The following ZNF385D variants were observed in gnomAD, a reference collection of about 807,000 sequenced individuals.
ZNF385D encodes zinc finger protein 659.
A neutral mutation model predicts 35.8 loss-of-function variants in ZNF385D; 15 were observed. The observed-to-expected ratio is 0.42, with a 90% CI of 0.28 to 0.64. ZNF385D has a LOEUF of 0.64. Among genes scored for constraint, ZNF385D ranks in the 30% least tolerant of loss-of-function variants. ZNF385D has a pLI of 0.23. For missense variants in ZNF385D, 474 were observed against 494.6 expected (o/e 0.96, Z 0.39); for synonymous variants, 212 against 186.8 (o/e 1.13, Z -1.10).
At chr3:21,758,975 C>CAAAAAA (rs58450064) in intron 3 of ZNF385D, among the ~76,000 whole-genome samples, 778 of 29,228 alleles carry the variant, frequency 0.027, 240 homozygotes, top group East Asian at 0.081. Context: ...TCATCACTGG[C>CAAAAAA]AAAAAAAAAA....
chr3:21,547,311 C>A (rs911262384), intron 3 of ZNF385D, among the ~76,000 whole-genome samples: 1 of 152,268 alleles, frequency 6.6e-6, no homozygotes, highest in Admixed American at 6.5e-5. Flanking sequence ...CTTTTGGCCT[C>A]CCTCTCCCTG....
At chr3:21,511,146 G>A (rs956966085) in intron 3 of ZNF385D, 123 bp from the exon 4 acceptor site, 8 of 1,212,892 alleles carry the variant, frequency 6.6e-6, no homozygotes, top group African/African-American at 3.0e-5. Flanking sequence ...TCTGGCCGTG[G>A]CCAGACAGTG....
intron 1 of ZNF385D, among the ~76,000 whole-genome samples, chr3:21,711,945 T>C (rs917037349): frequency 1.3e-5 from 2 of 152,226 alleles, no homozygotes; most frequent in East Asian, 3.8e-4. Flanking sequence ...CACAATTATG[T>C]AAATGTCACT....
chr3:21,587,740 T>G (rs1165227821), intron 2 of ZNF385D, among the ~76,000 whole-genome samples: 1 of 152,036 alleles, frequency 6.6e-6, no homozygotes, highest in Non-Finnish European at 1.5e-5. Context: ...TTGAGTAACG[T>G]TAGAAGAAAC....
intron 3 of ZNF385D, among the ~76,000 whole-genome samples, chr3:22,063,879 G>A (rs1009492449): frequency 3.3e-5 from 5 of 152,154 alleles, no homozygotes; most frequent in Non-Finnish European, 7.3e-5. Context: ...GGCTGGCTGA[G>A]GCCTTTGTTT....
At chr3:22,044,557 A>T (rs981447371) in intron 3 of ZNF385D, among the ~76,000 whole-genome samples, 8 of 152,290 alleles carry the variant, frequency 5.3e-5, no homozygotes, top group Non-Finnish European at 1.2e-4. Context: ...ATTATAATGT[A>T]TCCTTATGTT....
intron 3 of ZNF385D, among the ~76,000 whole-genome samples, chr3:21,885,251 A>C (rs1698481320): frequency 1.3e-5 from 2 of 152,090 alleles, no homozygotes; most frequent in African/African-American, 4.8e-5. Context: ...ATGAAGTTCC[A>C]AAATTCATTT....
Position 21,966,227 on chromosome 3 carries a change from G to T in ZNF385D, c.325+202590C>A, listed in dbSNP as rs145047450. On this transcript the variant is annotated intron_variant, in intron 3 of 5. Transcript: ENST00000494108. ...GACTTTAGGTAGAATGATGTTACAGGCTTGAATGAGCTGAAAAACATCCCC... is the reference window on the plus strand; with the variant it reads ...GACTTTAGGTAGAATGATGTTACAGTCTTGAATGAGCTGAAAAACATCCCC... Among the ~76,000 whole-genome samples the T allele has an allele frequency of 6.8e-3, 1,038 of 152,236 alleles. 12 individuals carry two copies. Among genetic ancestry groups the T allele is most frequent in the South Asian group, 0.021 (102 of 4,822 alleles).
intron 2 of ZNF385D, among the ~76,000 whole-genome samples, chr3:22,275,026 G>A (rs937111022): frequency 1.3e-5 from 2 of 151,974 alleles, no homozygotes; most frequent in Non-Finnish European, 2.9e-5. Flanking sequence ...CCTGTGGATA[G>A]CTGCTTTGCT....
At chr3:21,591,744 C>T (rs2063982392) in intron 2 of ZNF385D, among the ~76,000 whole-genome samples, 1 of 152,122 alleles carries the variant, frequency 6.6e-6, no homozygotes, top group South Asian at 2.1e-4. Flanking sequence ...CTTTGAGTTA[C>T]AGTCTGCTTT....
intron 3 of ZNF385D, among the ~76,000 whole-genome samples, chr3:22,018,811 T>C (rs976757587): frequency 6.6e-6 from 1 of 151,946 alleles, no homozygotes; most frequent in Non-Finnish European, 1.5e-5. Context: ...ACCTGTGCTT[T>C]AGCAGATTGA....
At chr3:21,824,185 G>A (rs1467351772) in intron 3 of ZNF385D, among the ~76,000 whole-genome samples, 1 of 152,044 alleles carries the variant, frequency 6.6e-6, no homozygotes, top group Non-Finnish European at 1.5e-5. Context: ...TGCACCACTG[G>A]AGGCCCTGAG....
intron 2 of ZNF385D, among the ~76,000 whole-genome samples, chr3:22,190,003 T>G (rs887747141): frequency 1.4e-4 from 21 of 152,144 alleles, no homozygotes; most frequent in African/African-American, 4.8e-4. Context: ...ACTTTTGCCC[T>G]GATGTGTTTG....
chr3:22,116,229 T>G (rs1702805051), intron 3 of ZNF385D, among the ~76,000 whole-genome samples: 1 of 152,108 alleles, frequency 6.6e-6, no homozygotes, highest in Non-Finnish European at 1.5e-5. Context: ...TATTCTCTCC[T>G]GAATCTATTT....
At position 21,413,237 on chromosome 3, in the gene ZNF385D, G is replaced by A. The variant is rs750359287; in HGVS notation, c.*7977C>T. Reference sequence around the variant, plus strand: ...AAAGGTTTATTCAGTAAGATTTGACGAGATGTAAAAAGCAAATTTATTTAC... The same window carrying A: ...AAAGGTTTATTCAGTAAGATTTGACAAGATGTAAAAAGCAAATTTATTTAC... On this transcript the variant is annotated 3_prime_UTR_variant, in exon 8 of 8. Transcript: ENST00000281523. 3.3e-5 allele frequency: 5 copies of A among 151,962 alleles called. No homozygotes were observed. The highest frequency in any genetic ancestry group is 4.8e-5 in the African/African-American group (2 of 41,392). The allele number at this position is 151,962 out of a possible 1,614,324, so 9.4% of individuals were successfully genotyped here. A position where few individuals can be genotyped will look rare whatever the true frequency, so the allele number is the denominator to read the frequency against.
chr3:21,636,733 C>G lies in ZNF385D; in HGVS notation c.165+28153G>C, dbSNP rs182448193. On this transcript the variant is annotated intron_variant, in intron 2 of 7. Coordinates refer to ENST00000281523, the MANE Select transcript of ZNF385D (RefSeq NM_024697.3). ...TGTTAATCTCCTTTGGCAACACCCT[C>G]GCAGACACACCCAGGATCAGTACTT... Among the ~76,000 whole-genome samples, 43 of 151,990 alleles carry G rather than the reference C, an allele frequency of 2.8e-4. No homozygotes were observed. The East Asian group carries it at 8.2e-3, about 29-fold the overall frequency.
chr3:22,153,873 T>C lies in ZNF385D; in HGVS notation c.325+14944A>G, dbSNP rs1440690163. The stretch of plus-strand genomic sequence containing the variant: ...TTAACAGAAACTTCTGGATACCTTT[T>C]ACTCCCACACCATGTGGGAGACAGC... On this transcript the variant is annotated intron_variant, in intron 3 of 5. Transcript: ENST00000494108. Among the ~76,000 whole-genome samples the C allele has an allele frequency of 3.9e-5, 6 of 152,114 alleles. No individual in the cohort carries two copies. The South Asian group carries it at 1.0e-3, about 26-fold the overall frequency.
intron 3 of ZNF385D, among the ~76,000 whole-genome samples, chr3:22,007,771 T>A (rs985742742): frequency 2.1e-4 from 32 of 151,962 alleles, no homozygotes; most frequent in African/African-American, 7.7e-4. Context: ...CATTTTTGTG[T>A]TTTATCTCAA....
At chr3:21,737,140 A>G (rs555676785) in intron 1 of ZNF385D, among the ~76,000 whole-genome samples, 2 of 152,066 alleles carry the variant, frequency 1.3e-5, no homozygotes, top group African/African-American at 4.8e-5. Context: ...GAGTTTCACC[A>G]TGTTGGCCAG....
Sources: allele counts gnomAD v4.1 joint callset (sites outside exome capture counted in the v4.1 genomes callset), GRCh38; gene constraint gnomAD v4.1.1; transcripts MANE v1.5; gene names NCBI Gene and HGNC (gene_info 2026-07-23, HGNC 2026-07-21).